Variants in GRXCR1 observed in about 807,000 individuals in gnomAD.
The protein encoded by GRXCR1 is glutaredoxin domain-containing cysteine-rich protein 1.
In GRXCR1, 27 loss-of-function variants were observed where a neutral mutation model predicts 27.3. That is an observed-to-expected ratio of 0.99 (90% CI 0.73 to 1.37). The LOEUF (loss-of-function observed/expected upper bound fraction) is 1.37, where lower values mean the gene tolerates loss of function less well. Ranked by LOEUF, GRXCR1 falls within the 40% of genes most tolerant of loss-of-function variation. The pLI, the probability that GRXCR1 is intolerant of heterozygous loss-of-function variation, is 0.00. For missense variants in GRXCR1, 379 were observed against 354.4 expected, an observed-to-expected ratio of 1.07 and a Z score of -0.56; for synonymous variants, 122 against 131.1, an observed-to-expected ratio of 0.93 and a Z score of 0.47.
rs144942941 is a variant in GRXCR1 at position 42,899,695 on chromosome 4, ACT to A, written c.384+6048_384+6049del. Among the ~76,000 whole-genome samples the A allele has an allele frequency of 7.5e-3, 1,140 of 152,202 alleles. 12 individuals are homozygous for A. Among genetic ancestry groups the A allele is most frequent in the African/African-American group, 0.026 (1,062 of 41,544 alleles). On this transcript the variant is annotated intron_variant, in intron 1 of 3. Transcript: ENST00000399770. ...AAATCTCTAGAAGTGAATAACAGTG[ACT>A]CTGACCATTAGCACCGACTTATCCA...
At chr4:42,922,305 G>A (rs1747033636) in intron 1 of GRXCR1, among the ~76,000 whole-genome samples, 1 of 151,992 alleles carries the variant, frequency 6.6e-6, no homozygotes, top group African/African-American at 2.4e-5. Flanking sequence ...TCTCTCTCTA[G>A]CCCTAGGTCT....
rs966289700 is a variant in GRXCR1, at chr4:43,001,999, G to A, written c.628-18355G>A. Among the ~76,000 whole-genome samples the A allele has an allele frequency of 5.3e-5, 8 of 152,306 alleles. No homozygotes were observed. In the East Asian group the frequency reaches 7.7e-4, roughly 15 times the overall value. On this transcript the variant is annotated intron_variant, in intron 2 of 3. Transcript: ENST00000399770. ...TTTCTCTCCACCCAAACATCTCAGC[G>A]GAGTAAAGAATAACAAGGCAGCATT... is the stretch of plus-strand genomic sequence containing the variant.
At chr4:42,901,689 C>G (rs10005817) in intron 1 of GRXCR1, among the ~76,000 whole-genome samples, 29,682 of 152,090 alleles carry the variant, frequency 0.2, 3,373 homozygotes, top group African/African-American at 0.3. Context: ...GCCTTCTATA[C>G]TTGGTATTAA....
chr4:43,020,918 C>T (rs966760421), intron 3 of GRXCR1, among the ~76,000 whole-genome samples: 28 of 152,082 alleles, frequency 1.8e-4, no homozygotes, highest in Admixed American at 1.0e-3. Context: ...AACATGCAAC[C>T]GGAAAGCCCT....
chr4:43,025,869 G>A (rs1298052670), intron 3 of GRXCR1, among the ~76,000 whole-genome samples: 3 of 151,814 alleles, frequency 2.0e-5, no homozygotes, highest in African/African-American at 4.8e-5. Flanking sequence ...CCAGCTACTC[G>A]GGAGGCTGAG....
In GRXCR1 at chr4:42,954,003, C is replaced by T. The variant is rs544450378; in HGVS notation, c.385-8889C>T. On this transcript the variant is annotated intron_variant, in intron 1 of 3. Coordinates refer to ENST00000399770, the MANE Select transcript of GRXCR1 (RefSeq NM_001080476.3). Reference sequence around the variant, plus strand: ...ATCCGGTTACTAAGGGGGAAATTACCGGCCACCAAGTTCTGATTAAATGTA... The same window carrying T: ...ATCCGGTTACTAAGGGGGAAATTACTGGCCACCAAGTTCTGATTAAATGTA... Among the ~76,000 whole-genome samples the T allele has an allele frequency of 3.9e-4, 59 of 152,056 alleles. 1 individual carries two copies. The South Asian group carries it at 0.012, about 31-fold the overall frequency.
chr4:43,029,996 C>T (rs1216409754), intron 3 of GRXCR1, among the ~76,000 whole-genome samples: 1 of 152,100 alleles, frequency 6.6e-6, no homozygotes, highest in Non-Finnish European at 1.5e-5. Flanking sequence ...TTAAATGATA[C>T]TAATGGGAAA....
intron 2 of GRXCR1, among the ~76,000 whole-genome samples, chr4:43,012,590 G>A (rs531246391): frequency 4.6e-4 from 70 of 152,006 alleles, no homozygotes; most frequent in African/African-American, 1.6e-3. Flanking sequence ...ACTAATTATT[G>A]AGTTCATATT....
intron 1 of GRXCR1, among the ~76,000 whole-genome samples, chr4:42,897,899 A>G (rs1577896368): frequency 6.6e-6 from 1 of 150,784 alleles, no homozygotes; most frequent in African/African-American, 2.4e-5. Flanking sequence ...AAAAGTTTAT[A>G]AAGTGAACAG....
chr4:42,926,801 A>C (rs1747168294), intron 1 of GRXCR1, among the ~76,000 whole-genome samples: 1 of 152,074 alleles, frequency 6.6e-6, no homozygotes, highest in African/African-American at 2.4e-5. Flanking sequence ...ATCATCCAAC[A>C]GAAAAATCAG....
At chr4:43,002,424 G>A (rs571699853) in intron 2 of GRXCR1, among the ~76,000 whole-genome samples, 1 of 152,260 alleles carries the variant, frequency 6.6e-6, no homozygotes, top group East Asian at 1.9e-4. Flanking sequence ...TTGTTAAGAA[G>A]GCACGTCCTG....
chr4:42,987,195 AGTTTTCATATATATAT>A (rs1711755019), intron 2 of GRXCR1, among the ~76,000 whole-genome samples: 2 of 118,760 alleles, frequency 1.7e-5, no homozygotes, highest in Non-Finnish European at 3.3e-5. Context: ...ATGATTTCAT[AGTTTTCATATATATAT>A]TATATATATA....
chr4:42,981,499 T>C (rs1370606794), intron 2 of GRXCR1, among the ~76,000 whole-genome samples: 1 of 152,230 alleles, frequency 6.6e-6, no homozygotes, highest in Admixed American at 6.5e-5. Flanking sequence ...GGTATTAGAA[T>C]ATCTGAATTT....
intron 1 of GRXCR1, among the ~76,000 whole-genome samples, chr4:42,925,374 C>G (rs1747136567): frequency 6.6e-6 from 1 of 152,012 alleles, no homozygotes; most frequent in Admixed American, 6.6e-5. Context: ...ATGTAAAAAA[C>G]TTGAAATAAT....
chr4:43,023,446 C>T (rs1188745633), intron 3 of GRXCR1, among the ~76,000 whole-genome samples: 1 of 152,202 alleles, frequency 6.6e-6, no homozygotes, highest in Non-Finnish European at 1.5e-5. Flanking sequence ...TCCCACCCAA[C>T]TGAAAATTGC....
chr4:42,976,695 A>G (rs2109782413), intron 2 of GRXCR1, among the ~76,000 whole-genome samples: 1 of 152,084 alleles, frequency 6.6e-6, no homozygotes, highest in Admixed American at 6.6e-5. Context: ...TTATAAATTG[A>G]CAGATAAAAT....
chr4:43,015,149 G>T (rs375942863), intron 2 of GRXCR1, among the ~76,000 whole-genome samples: 3 of 152,262 alleles, frequency 2.0e-5, no homozygotes. Flanking sequence ...TCCAGGAGAA[G>T]GAGAGAAATT....
chr4:42,994,691 T>C (rs1054987991), intron 2 of GRXCR1, among the ~76,000 whole-genome samples: 1 of 152,110 alleles, frequency 6.6e-6, no homozygotes, highest in African/African-American at 2.4e-5. Context: ...CCTAGTAAAG[T>C]ACCTTTACCC....
chr4:42,902,902 T>C (rs17534361), intron 1 of GRXCR1, among the ~76,000 whole-genome samples: 36,891 of 152,112 alleles, frequency 0.24, 5,263 homozygotes, highest in Non-Finnish European at 0.32. Flanking sequence ...GCCAGAAACT[T>C]TTCTCAGAAA....
Sources: allele counts gnomAD v4.1 joint callset (sites outside exome capture counted in the v4.1 genomes callset), GRCh38; gene constraint gnomAD v4.1.1; transcripts MANE v1.5; gene names NCBI Gene and HGNC (gene_info 2026-07-23, HGNC 2026-07-21).